Variants in CDH12 observed in about 807,000 individuals in gnomAD.
The protein encoded by CDH12 is cadherin-12.
Under a neutral mutation model 74.1 loss-of-function variants are expected in CDH12, and 41 were observed. The observed-to-expected ratio is 0.55, with a 90% CI of 0.43 to 0.72. CDH12 has a LOEUF of 0.72. Ranked by LOEUF, CDH12 falls within the 30% of genes least tolerant of loss-of-function variation. The probability of loss-of-function intolerance (pLI) is 0.00; values close to 1 mark genes in which losing one functional copy is unlikely to be tolerated. For synonymous variants in CDH12, 399 were observed against 355.0 expected, an observed-to-expected ratio of 1.12 and a Z score of -1.39; for missense variants, 945 against 977.2, an observed-to-expected ratio of 0.97 and a Z score of 0.44.
chr5:22,351,465 C>T (rs113648859), intron 3 of CDH12, among the ~76,000 whole-genome samples: 198 of 152,110 alleles, frequency 1.3e-3, no homozygotes, highest in African/African-American at 4.5e-3. Flanking sequence ...ATGCCTCAGG[C>T]CCATTAATTA....
intron 10 of CDH12, 79 bp downstream of exon 10, chr5:21,802,088 G>T: frequency 7.8e-7 from 1 of 1,280,352 alleles, no homozygotes; most frequent in South Asian, 1.4e-5. Context: ...GTTTTGGACA[G>T]AGAATTGGTT....
At chr5:22,380,386 G>C (rs980425426) in intron 3 of CDH12, among the ~76,000 whole-genome samples, 5 of 152,042 alleles carry the variant, frequency 3.3e-5, no homozygotes, top group African/African-American at 4.8e-5. Context: ...AACTCTCTCT[G>C]AGAGAAATTC....
At chr5:22,126,203 C>A (rs1745857054) in intron 4 of CDH12, among the ~76,000 whole-genome samples, 1 of 151,934 alleles carries the variant, frequency 6.6e-6, no homozygotes, top group South Asian at 2.1e-4. Context: ...CCAAGTTGCT[C>A]CTGGGTGCTA....
At chr5:22,439,200 A>T (rs1380097289) in intron 2 of CDH12, among the ~76,000 whole-genome samples, 1 of 151,998 alleles carries the variant, frequency 6.6e-6, no homozygotes, top group African/African-American at 2.4e-5. Flanking sequence ...AATTATTAAA[A>T]TTAGTAGAGT....
At chr5:21,976,903 T>C (rs1342979919) in intron 5 of CDH12, among the ~76,000 whole-genome samples, 1 of 152,062 alleles carries the variant, frequency 6.6e-6, no homozygotes, top group African/African-American at 2.4e-5. Context: ...TGTGTATTAG[T>C]ATGAGTAATT....
chr5:22,307,487 T>G (rs1738163096), intron 3 of CDH12, among the ~76,000 whole-genome samples: 1 of 152,188 alleles, frequency 6.6e-6, no homozygotes, highest in African/African-American at 2.4e-5. Flanking sequence ...GATTTTCAAC[T>G]ATTTCTTCTT....
rs116858252 is a variant in CDH12, at chr5:22,801,356, G to A, written c.-523+51702C>T. 2.0e-4 allele frequency among the ~76,000 whole-genome samples: 30 copies of A among 152,144 alleles called. No homozygotes were observed. In the East Asian group the frequency reaches 4.3e-3, roughly 22 times the overall value. On this transcript the variant is annotated intron_variant, in intron 1 of 14. Coordinates refer to ENST00000382254, the MANE Select transcript of CDH12 (RefSeq NM_004061.5). ...GTTACTAGCAATGCAGCCTTCATCA[G>A]CTAAGCAAAATGCCAGTTTTGGGAC...
At chr5:22,757,168 C>G (rs1745968573) in intron 1 of CDH12, among the ~76,000 whole-genome samples, 1 of 152,100 alleles carries the variant, frequency 6.6e-6, no homozygotes. Context: ...TTTTCTTCTT[C>G]CTGTAGATGT....
chr5:22,748,768 C>T (rs1422885327), intron 1 of CDH12, among the ~76,000 whole-genome samples: 1 of 152,250 alleles, frequency 6.6e-6, no homozygotes, highest in Admixed American at 6.5e-5. Context: ...ATGGTAAATG[C>T]CACTCACCAA....
intron 1 of CDH12, among the ~76,000 whole-genome samples, chr5:22,754,476 A>G (rs1228583370): frequency 3.3e-5 from 5 of 151,776 alleles, no homozygotes; most frequent in African/African-American, 1.2e-4. Flanking sequence ...TGCTGTGGAA[A>G]GAAGATAGAT....
chr5:22,495,971 C>G (rs1261239744), intron 2 of CDH12, among the ~76,000 whole-genome samples: 1 of 152,186 alleles, frequency 6.6e-6, no homozygotes, highest in Non-Finnish European at 1.5e-5. Context: ...AGACCAGGCA[C>G]TGTTCTAACT....
intron 1 of CDH12, among the ~76,000 whole-genome samples, chr5:22,609,345 A>G (rs562381564): frequency 1.2e-4 from 18 of 152,222 alleles, no homozygotes; most frequent in Admixed American, 9.8e-4. Context: ...CTACTAATAT[A>G]TATGTTCTCT....
At chr5:22,657,723 C>T (rs1266003906) in intron 1 of CDH12, among the ~76,000 whole-genome samples, 1 of 152,094 alleles carries the variant, frequency 6.6e-6, no homozygotes, top group Non-Finnish European at 1.5e-5. Flanking sequence ...AAAGTATAAA[C>T]TCACGTGCTT....
chr5:22,562,501 A>G (rs1197959155), intron 1 of CDH12, among the ~76,000 whole-genome samples: 1 of 152,146 alleles, frequency 6.6e-6, no homozygotes, highest in Non-Finnish European at 1.5e-5. Flanking sequence ...TAAAATAAAT[A>G]TATGGATTTT....
At chr5:22,809,843 A>G (rs1749045087) in intron 1 of CDH12, among the ~76,000 whole-genome samples, 1 of 152,126 alleles carries the variant, frequency 6.6e-6, no homozygotes, top group South Asian at 2.1e-4. Context: ...TGAAATTATC[A>G]ATAAAATATC....
intron 2 of CDH12, among the ~76,000 whole-genome samples, chr5:22,452,880 CAAAAAAAAAA>C (rs768945480): frequency 6.2e-5 from 2 of 32,204 alleles, no homozygotes; most frequent in East Asian, 1.1e-3. Context: ...AACCTAAGAG[CAAAAAAAAAA>C]AAAAAAAAAA....
intron 6 of CDH12, among the ~76,000 whole-genome samples, chr5:21,968,298 T>C (rs1314623770): frequency 2.0e-5 from 3 of 152,218 alleles, no homozygotes; most frequent in African/African-American, 7.2e-5. Context: ...CTACTTGCAA[T>C]AACCCTCTCA....
chr5:21,839,029 T>A (rs1049807463), intron 8 of CDH12, among the ~76,000 whole-genome samples: 16 of 152,224 alleles, frequency 1.1e-4, no homozygotes, highest in Non-Finnish European at 2.1e-4. Flanking sequence ...ATATTTCATA[T>A]GCACAAAACC....
intron 1 of CDH12, among the ~76,000 whole-genome samples, chr5:22,656,812 C>T (rs933498240): frequency 2.3e-4 from 35 of 152,036 alleles, no homozygotes; most frequent in Admixed American, 2.0e-4. Flanking sequence ...AGAATAAATA[C>T]ATTTTTATCT....
Sources: allele counts gnomAD v4.1 joint callset (sites outside exome capture counted in the v4.1 genomes callset), GRCh38; gene constraint gnomAD v4.1.1; transcripts MANE v1.5; gene names NCBI Gene and HGNC (gene_info 2026-07-23, HGNC 2026-07-21).